Variants in DIS3L2 observed in about 807,000 individuals in gnomAD.
The protein encoded by DIS3L2 is DIS3-like exonuclease 2.
In DIS3L2, 34 loss-of-function variants were observed where a neutral mutation model predicts 97.5. The ratio of observed to expected loss-of-function variants is 0.35; its 90% CI spans 0.27 to 0.46. The LOEUF is 0.46. DIS3L2 is among the 20% of genes least tolerant of loss of function. DIS3L2 has a pLI of 1.00. For synonymous variants in DIS3L2, 435 were observed against 445.2 expected (o/e 0.98, Z 0.29); for missense variants, 1,038 against 1,146.0 (o/e 0.91, Z 1.36).
intron 9 of DIS3L2, chr2:232,172,588 C>T (rs779830018): frequency 1.3e-5 from 6 of 445,896 alleles, no homozygotes; most frequent in Non-Finnish European, 2.9e-5. Context: ...ATGAATAATG[C>T]TGCTATGAAT....
chr2:232,176,701 A>T (rs1691167992), intron 9 of DIS3L2, among the ~76,000 whole-genome samples: 2 of 150,266 alleles, frequency 1.3e-5, no homozygotes, highest in South Asian at 2.1e-4. Flanking sequence ...TAATCCTCTT[A>T]CCTCAGCCTA....
At chr2:232,185,711 G>A (rs1444774351) in intron 9 of DIS3L2, among the ~76,000 whole-genome samples, 1 of 152,140 alleles carries the variant, frequency 6.6e-6, no homozygotes, top group Non-Finnish European at 1.5e-5. Context: ...TTAGCTGAGT[G>A]TGGTGGCTTG....
At chr2:232,046,312 A>G (rs890297800) in intron 5 of DIS3L2, among the ~76,000 whole-genome samples, 45 of 152,234 alleles carry the variant, frequency 3.0e-4, no homozygotes, top group African/African-American at 1.0e-3. Context: ...GATTATTGCC[A>G]CTCAAAGTGT....
chr2:232,063,051 C>G (rs1391183649), intron 5 of DIS3L2, among the ~76,000 whole-genome samples: 1 of 152,074 alleles, frequency 6.6e-6, no homozygotes, highest in Non-Finnish European at 1.5e-5. Flanking sequence ...TAATCTATTT[C>G]CATTGCTTGT....
At chr2:232,295,168 G>A (rs1314435789) in intron 13 of DIS3L2, among the ~76,000 whole-genome samples, 2 of 152,080 alleles carry the variant, frequency 1.3e-5, no homozygotes, top group African/African-American at 2.4e-5. Flanking sequence ...TGTGGCCTCC[G>A]AATACTCCCT....
At chr2:232,161,971 C>T (rs1018658576) in intron 8 of DIS3L2, among the ~76,000 whole-genome samples, 4 of 152,084 alleles carry the variant, frequency 2.6e-5, no homozygotes, top group African/African-American at 4.8e-5. Context: ...CGGGGTTTCA[C>T]CATGTTGGCC....
chr2:232,340,009 G>A (rs1286055876), downstream of DIS3L2, among the ~76,000 whole-genome samples: 1 of 152,200 alleles, frequency 6.6e-6, no homozygotes, highest in Non-Finnish European at 1.5e-5. Flanking sequence ...GCCAGGGGTG[G>A]CCCTGGTGGC....
intron 12 of DIS3L2, among the ~76,000 whole-genome samples, chr2:232,262,435 A>G (rs1166210835): frequency 6.6e-6 from 1 of 152,244 alleles, no homozygotes; most frequent in Non-Finnish European, 1.5e-5. Flanking sequence ...CACCACCACT[A>G]AACTTGGGTA....
intron 6 of DIS3L2, 62 bp downstream of exon 6, chr2:232,087,783 C>T: frequency 7.7e-7 from 1 of 1,295,422 alleles, no homozygotes; most frequent in Non-Finnish European, 1.1e-6. Context: ...TTGGAATTCC[C>T]TCTCTGCTGC....
intron 1 of DIS3L2, among the ~76,000 whole-genome samples, chr2:231,971,412 G>A (rs567516742): frequency 2.6e-5 from 4 of 152,010 alleles, no homozygotes; most frequent in Middle Eastern, 3.4e-3. Context: ...CCGAGTAGCT[G>A]GGACTACAGG....
chr2:232,335,662 G>A, intron 19 of DIS3L2, 111 bp from the exon 20 acceptor site: 5 of 1,224,424 alleles, frequency 4.1e-6, no homozygotes, highest in Non-Finnish European at 5.7e-6. Flanking sequence ...AGGCAAGGGT[G>A]GGCCAGGGCC....
intron 5 of DIS3L2, among the ~76,000 whole-genome samples, chr2:232,059,110 G>T (rs922513832): frequency 6.6e-5 from 10 of 152,128 alleles, no homozygotes; most frequent in Non-Finnish European, 1.3e-4. Context: ...GAAGTCAGCT[G>T]TAAAAATTTG....
At chr2:232,038,946 A>G (rs769682673) in intron 5 of DIS3L2, among the ~76,000 whole-genome samples, 3 of 152,234 alleles carry the variant, frequency 2.0e-5, no homozygotes, top group Admixed American at 2.0e-4. Flanking sequence ...ACCTACTTCT[A>G]CAAACTGTTA....
intron 3 of DIS3L2, among the ~76,000 whole-genome samples, chr2:232,018,337 G>A (rs1694412648): frequency 6.6e-6 from 1 of 152,154 alleles, no homozygotes; most frequent in Non-Finnish European, 1.5e-5. Flanking sequence ...TCTGGCCTGT[G>A]ACATCATGGG....
At chr2:232,140,211 T>C (rs1241097998) in intron 8 of DIS3L2, among the ~76,000 whole-genome samples, 1 of 152,186 alleles carries the variant, frequency 6.6e-6, no homozygotes, top group African/African-American at 2.4e-5. Flanking sequence ...AACTCATTTG[T>C]CCACTCAAAA....
chr2:232,283,833 C>T (rs1031310197), intron 13 of DIS3L2, among the ~76,000 whole-genome samples: 3 of 152,070 alleles, frequency 2.0e-5, no homozygotes, highest in African/African-American at 4.8e-5. Flanking sequence ...AAGGATGGGA[C>T]AGTCTGTATG....
chr2:232,343,460 G>A (rs1240972619), exon 14 of DIS3L2: 2 of 1,556,026 alleles, frequency 1.3e-6, no homozygotes, highest in Non-Finnish European at 1.7e-6. Context: ...CGGGGCATAT[G>A]TGACAGGGAT....
chr2:231,974,785 G>A (rs1693032148), intron 1 of DIS3L2, among the ~76,000 whole-genome samples: 1 of 152,004 alleles, frequency 6.6e-6, no homozygotes, highest in African/African-American at 2.4e-5. Context: ...AGTGATAAAA[G>A]GATGTATTAT....
intron 5 of DIS3L2, among the ~76,000 whole-genome samples, chr2:232,062,444 G>A (rs183501141): frequency 6.6e-6 from 1 of 152,064 alleles, no homozygotes; most frequent in African/African-American, 2.4e-5. Flanking sequence ...TTCTCAGAGG[G>A]GTAATCAATT....
Sources: allele counts gnomAD v4.1 joint callset (sites outside exome capture counted in the v4.1 genomes callset), GRCh38; gene constraint gnomAD v4.1.1; transcripts MANE v1.5; gene names NCBI Gene and HGNC (gene_info 2026-07-23, HGNC 2026-07-21).